The following PGS1 variants were observed in gnomAD, a reference collection of about 807,000 sequenced individuals.
The protein encoded by PGS1 is phosphatidylglycerophosphate synthase 1.
PGS1 carries 44 observed loss-of-function variants against 58.3 expected under a neutral mutation model. The observed-to-expected ratio is 0.75, with a 90% CI of 0.59 to 0.97. The LOEUF is 0.97. Ranked by LOEUF, PGS1 falls within the 50% of genes least tolerant of loss-of-function variation. The pLI, the probability that PGS1 is intolerant of heterozygous loss-of-function variation, is 0.00. For missense variants in PGS1, 684 were observed against 731.1 expected (o/e 0.94, Z 0.74); for synonymous variants, 330 against 311.0 (o/e 1.06, Z -0.64).
At chr17:78,393,885 T>C (rs886738098) in intron 2 of PGS1, among the ~76,000 whole-genome samples, 2 of 135,554 alleles carry the variant, frequency 1.5e-5, no homozygotes, top group Non-Finnish European at 3.1e-5. Flanking sequence ...GCAGTGATAT[T>C]AGAATGAAGG....
At chr17:78,392,854 C>T (rs2082927118) in intron 2 of PGS1, among the ~76,000 whole-genome samples, 189 bp downstream of exon 2, 1 of 152,146 alleles carries the variant, frequency 6.6e-6, no homozygotes, top group African/African-American at 2.4e-5. Context: ...GCCTGTGGGG[C>T]CAGCGTCTCA....
At chr17:78,420,137 A>G (rs2085575151) in intron 9 of PGS1, 2 of 1,020,592 alleles carry the variant, frequency 2.0e-6, no homozygotes, top group African/African-American at 1.7e-5. Flanking sequence ...TGTAGTGCAC[A>G]GGGTGGGGCG....
At chr17:78,422,024 TTA>T (rs1317549005) in intron 9 of PGS1, 2 of 152,218 alleles carry the variant, frequency 1.3e-5, no homozygotes, top group East Asian at 3.8e-4. Context: ...CTTGGAAAGT[TTA>T]GAGATAATTT....
intron 2 of PGS1, among the ~76,000 whole-genome samples, chr17:78,394,072 T>G (rs1348724510): frequency 6.9e-6 from 1 of 144,042 alleles, no homozygotes; most frequent in Non-Finnish European, 1.5e-5. Context: ...GTCAGGAGGC[T>G]GAGGCAGGAG....
chr17:78,414,378 A>G (rs1169324604), intron 7 of PGS1, among the ~76,000 whole-genome samples: 3 of 152,200 alleles, frequency 2.0e-5, no homozygotes, highest in Non-Finnish European at 4.4e-5. Flanking sequence ...GCTTCTGAGA[A>G]GCACGCGTGA....
chr17:78,407,509 C>G (rs12602692), intron 7 of PGS1, among the ~76,000 whole-genome samples: 2 of 152,210 alleles, frequency 1.3e-5, no homozygotes, highest in African/African-American at 4.8e-5. Context: ...TTGCAAGGCA[C>G]TTGCTGGGTA....
At chr17:78,379,435 A>G (rs1567925225) in intron 1 of PGS1, among the ~76,000 whole-genome samples, 1 of 152,214 alleles carries the variant, frequency 6.6e-6, no homozygotes, top group Non-Finnish European at 1.5e-5. Flanking sequence ...ATGATGAAGT[A>G]GGCTTTGGAG....
At chr17:78,413,875 C>T (rs2084942798) in intron 7 of PGS1, among the ~76,000 whole-genome samples, 1 of 152,264 alleles carries the variant, frequency 6.6e-6, no homozygotes, top group South Asian at 2.1e-4. Flanking sequence ...CTGAGGACGC[C>T]TGTGGCCTTG....
Position 78,424,118 on chromosome 17 carries a change from C to A in PGS1, c.*68C>A. The A allele has an allele frequency of 6.2e-7, 1 of 1,613,516 alleles. No individual in the cohort carries two copies. ...GGGGTCAGCTCTTTCAGCCGCGCTTCAGCGATGACTCCAGTCTGGGTGTCC... is the reference window on the plus strand; with the variant it reads ...GGGGTCAGCTCTTTCAGCCGCGCTTAAGCGATGACTCCAGTCTGGGTGTCC... On this transcript the variant is annotated 3_prime_UTR_variant, in exon 10 of 10. Coordinates refer to ENST00000262764, the MANE Select transcript of PGS1 (RefSeq NM_024419.5).
At chr17:78,422,804 A>G (rs1004348411) in intron 9 of PGS1, among the ~76,000 whole-genome samples, 2 of 151,414 alleles carry the variant, frequency 1.3e-5, no homozygotes, top group Admixed American at 1.4e-4. Flanking sequence ...GAAGCCTGAG[A>G]AATGTTGAGG....
rs2086286019 is a variant in PGS1 at position 78,424,209 on chromosome 17, C to T, written c.*159C>T. The T allele has an allele frequency of 6.4e-7, 1 of 1,556,180 alleles. No individual in the cohort carries two copies. Among genetic ancestry groups the T allele is most frequent in the South Asian group, 1.2e-5 (1 of 83,514 alleles). ...GTGCTGCCAGTAAGTGAGGGAGGGG[C>T]TGGCAGGAAGGGTGGGGTCCTCACA... On this transcript the variant is annotated 3_prime_UTR_variant, in exon 10 of 10. Transcript: ENST00000262764.
chr17:78,424,004 T>G (rs78023288), intron 9 of PGS1, 57 bp from the exon 10 acceptor site: 1 of 1,613,908 alleles, frequency 6.2e-7, no homozygotes, highest in Non-Finnish European at 8.5e-7. Flanking sequence ...GGGCCGCGGA[T>G]GCGTGTTTTG....
intron 8 of PGS1, among the ~76,000 whole-genome samples, chr17:78,418,960 C>G (rs780891097): frequency 6.6e-6 from 1 of 152,094 alleles, no homozygotes; most frequent in African/African-American, 2.4e-5. Context: ...ATTTCTTCAA[C>G]TCTAAATTGA....
chr17:78,395,671 C>T (rs1202214596), intron 2 of PGS1, among the ~76,000 whole-genome samples: 1 of 152,298 alleles, frequency 6.6e-6, no homozygotes, highest in East Asian at 1.9e-4. Flanking sequence ...TGTCTATATA[C>T]CTGTCCATCT....
chr17:78,380,085 C>CT (rs1353133848), intron 1 of PGS1, among the ~76,000 whole-genome samples: 2 of 152,084 alleles, frequency 1.3e-5, no homozygotes, highest in African/African-American at 2.4e-5. Context: ...AGGCTGGTCT[C>CT]TAACTCCCAG....
At chr17:78,422,586 C>G (rs1022689546) in intron 9 of PGS1, among the ~76,000 whole-genome samples, 1 of 127,470 alleles carries the variant, frequency 7.8e-6, no homozygotes, top group African/African-American at 2.8e-5. Flanking sequence ...CGTACTTGAC[C>G]TCATGGGCTC....
chr17:78,396,189 G>T, intron 2 of PGS1, 119 bp from the exon 3 acceptor site: 3 of 736,878 alleles, frequency 4.1e-6, no homozygotes, highest in South Asian at 3.0e-5. Flanking sequence ...ATATTAATTG[G>T]TGAAGACATA....
chr17:78,383,112 C>T (rs2082150424), intron 1 of PGS1, among the ~76,000 whole-genome samples: 1 of 152,188 alleles, frequency 6.6e-6, no homozygotes. Flanking sequence ...CATGCAGAAT[C>T]ATCTTTATGT....
At chr17:78,397,256 C>A (rs1188626296) in intron 3 of PGS1, among the ~76,000 whole-genome samples, 2 of 102,518 alleles carry the variant, frequency 2.0e-5, no homozygotes, top group South Asian at 6.7e-4. Flanking sequence ...TCTCTTGGGT[C>A]TCCTGGGATT....
Sources: allele counts gnomAD v4.1 joint callset (sites outside exome capture counted in the v4.1 genomes callset), GRCh38; gene constraint gnomAD v4.1.1; transcripts MANE v1.5; gene names NCBI Gene and HGNC (gene_info 2026-07-23, HGNC 2026-07-21).